The following MSH3 variants were observed in gnomAD, a reference collection of about 807,000 sequenced individuals.
MSH3 encodes DNA mismatch repair protein Msh3.
Under a neutral mutation model 123.3 loss-of-function variants are expected in MSH3, and 106 were observed. The ratio of observed to expected loss-of-function variants is 0.86; its 90% CI spans 0.73 to 1.01. The LOEUF is 1.01. Ranked by LOEUF, MSH3 falls within the 50% of genes least tolerant of loss-of-function variation. MSH3 has a pLI of 0.00. For missense variants in MSH3, 1,459 were observed against 1,347.6 expected, an observed-to-expected ratio of 1.08 and a Z score of -1.29; for synonymous variants, 515 against 481.4, an observed-to-expected ratio of 1.07 and a Z score of -0.91.
chr5:80,744,354 T>C (rs1580599245), intron 11 of MSH3, 152 bp from the exon 12 acceptor site: 1 of 636,592 alleles, frequency 1.6e-6, no homozygotes, highest in East Asian at 2.8e-5. Context: ...TCATTCTGTA[T>C]GTATGTATTC....
chr5:80,816,782 G>A (rs1390660479), intron 20 of MSH3, among the ~76,000 whole-genome samples: 1 of 152,214 alleles, frequency 6.6e-6, no homozygotes, highest in Admixed American at 6.5e-5. Flanking sequence ...TATGGCAGCT[G>A]AGATAAATGG....
intron 3 of MSH3, among the ~76,000 whole-genome samples, chr5:80,669,079 G>C (rs776828349): frequency 5.3e-5 from 8 of 152,190 alleles, no homozygotes; most frequent in Non-Finnish European, 1.0e-4. Context: ...TCTTATTGCT[G>C]ATCTTTGGAG....
intron 11 of MSH3, 50 bp from the exon 12 acceptor site, chr5:80,744,456 G>T: frequency 7.6e-7 from 1 of 1,308,458 alleles, no homozygotes; most frequent in Non-Finnish European, 1.1e-6. Flanking sequence ...ATAACAATTT[G>T]GCACAAATAA....
intron 12 of MSH3, among the ~76,000 whole-genome samples, chr5:80,752,357 A>T (rs1463197196): frequency 6.6e-6 from 1 of 152,018 alleles, no homozygotes; most frequent in Non-Finnish European, 1.5e-5. Context: ...CAGTCTAGTG[A>T]ACTAATCTCT....
chr5:80,841,012 T>C (rs564251102), intron 20 of MSH3, among the ~76,000 whole-genome samples: 2 of 151,890 alleles, frequency 1.3e-5, no homozygotes, highest in African/African-American at 2.4e-5. Context: ...CCCATTATCT[T>C]GTCATTTACA....
intron 20 of MSH3, among the ~76,000 whole-genome samples, chr5:80,843,283 A>C (rs916582405): frequency 6.6e-6 from 1 of 152,092 alleles, no homozygotes; most frequent in African/African-American, 2.4e-5. Context: ...AAGCTTTTTG[A>C]TGTGCTGCTG....
intron 20 of MSH3, among the ~76,000 whole-genome samples, chr5:80,821,521 G>A (rs1433055742): frequency 6.6e-6 from 1 of 152,152 alleles, no homozygotes; most frequent in African/African-American, 2.4e-5. Flanking sequence ...CAACTTTAAA[G>A]CATTAATTAA....
At chr5:80,711,974 G>C (rs1750867357) in intron 8 of MSH3, among the ~76,000 whole-genome samples, 3 of 152,094 alleles carry the variant, frequency 2.0e-5, no homozygotes, top group Admixed American at 2.0e-4. Flanking sequence ...TTTCTAATGA[G>C]TTTTTATTGA....
chr5:80,747,508 A>T (rs1743743956), intron 12 of MSH3, among the ~76,000 whole-genome samples: 1 of 152,116 alleles, frequency 6.6e-6, no homozygotes, highest in Admixed American at 6.5e-5. Flanking sequence ...CTTTTATTTT[A>T]GGTCATGGTT....
chr5:80,675,861 T>C (rs1749827489), intron 7 of MSH3, among the ~76,000 whole-genome samples: 1 of 152,158 alleles, frequency 6.6e-6, no homozygotes, highest in Admixed American at 6.6e-5. Context: ...ATAAATTTCC[T>C]CTAGGGATTT....
At chr5:80,751,623 T>C (rs1314366220) in intron 12 of MSH3, among the ~76,000 whole-genome samples, 1 of 152,194 alleles carries the variant, frequency 6.6e-6, no homozygotes, top group African/African-American at 2.4e-5. Flanking sequence ...TTACATGGTA[T>C]GCTTGCTGTA....
At chr5:80,809,575 C>G (rs558371832) in intron 19 of MSH3, among the ~76,000 whole-genome samples, 1 of 152,230 alleles carries the variant, frequency 6.6e-6, no homozygotes, top group South Asian at 2.1e-4. Flanking sequence ...CTCTCATGTG[C>G]TTGTTGAATT....
intron 8 of MSH3, among the ~76,000 whole-genome samples, chr5:80,696,871 A>C (rs1750494371): frequency 6.6e-6 from 1 of 152,228 alleles, no homozygotes; most frequent in Non-Finnish European, 1.5e-5. Flanking sequence ...ACTGCAATAG[A>C]ATTGAATTTT....
intron 22 of MSH3, among the ~76,000 whole-genome samples, chr5:80,868,309 G>T (rs879771042): frequency 2.0e-5 from 3 of 151,886 alleles, no homozygotes; most frequent in Admixed American, 6.6e-5. Flanking sequence ...TCATAAAGAC[G>T]CATGCACACG....
Position 80,875,924 on chromosome 5 carries a change from C to A in MSH3, c.*62C>A. The A allele has an allele frequency of 1.0e-6, 1 of 986,210 alleles. No individual in the cohort carries two copies. Among genetic ancestry groups the A allele is most frequent in the Non-Finnish European group, 1.6e-6 (1 of 622,614 alleles). The allele number at this position is 986,210 out of a possible 1,614,324, so 61.1% of individuals were successfully genotyped here. A position where few individuals can be genotyped will look rare whatever the true frequency, so the allele number is the denominator to read the frequency against. Reference sequence around the variant, plus strand: ...TAAAAATACCAACTGTACAAAATAACTCTCCAGTAACAGCCTATCTTTGTG... The same window carrying A: ...TAAAAATACCAACTGTACAAAATAAATCTCCAGTAACAGCCTATCTTTGTG... On this transcript the variant is annotated 3_prime_UTR_variant, in exon 24 of 24. Coordinates refer to ENST00000265081, the MANE Select transcript of MSH3 (RefSeq NM_002439.5).
chr5:80,843,412 G>A (rs1745662306), intron 20 of MSH3, among the ~76,000 whole-genome samples: 1 of 152,180 alleles, frequency 6.6e-6, no homozygotes, highest in African/African-American at 2.4e-5. Context: ...GATGAGGCTG[G>A]CCTCATAAAA....
At chr5:80,818,818 G>A (rs1190034176) in intron 20 of MSH3, among the ~76,000 whole-genome samples, 1 of 152,196 alleles carries the variant, frequency 6.6e-6, no homozygotes, top group East Asian at 1.9e-4. Flanking sequence ...GTTTGAGCTT[G>A]ATAATGGCTA....
chr5:80,740,847 T>G (rs1204445604), intron 10 of MSH3, among the ~76,000 whole-genome samples: 1 of 151,880 alleles, frequency 6.6e-6, no homozygotes, highest in Non-Finnish European at 1.5e-5. Context: ...CCCGAGTACC[T>G]GGGACTACAG....
At chr5:80,872,247 A>C (rs1464487049) in intron 22 of MSH3, among the ~76,000 whole-genome samples, 1 of 152,088 alleles carries the variant, frequency 6.6e-6, no homozygotes, top group Non-Finnish European at 1.5e-5. Context: ...AGGTGGGTGG[A>C]CCACTTGTGC....
Sources: allele counts gnomAD v4.1 joint callset (sites outside exome capture counted in the v4.1 genomes callset), GRCh38; gene constraint gnomAD v4.1.1; transcripts MANE v1.5; gene names NCBI Gene and HGNC (gene_info 2026-07-23, HGNC 2026-07-21).